The following PRSS23 variants were observed in gnomAD, a reference collection of about 807,000 sequenced individuals.
PRSS23 encodes the protein protease, serine 23.
PRSS23 carries 25 observed loss-of-function variants against 34.7 expected under a neutral mutation model. The observed-to-expected ratio is 0.72, with a 90% CI of 0.53 to 1.01. The LOEUF (loss-of-function observed/expected upper bound fraction) is 1.01, where lower values mean the gene tolerates loss of function less well. Ranked by LOEUF, PRSS23 falls within the 50% of genes least tolerant of loss-of-function variation. PRSS23 has a pLI of 0.00. For synonymous variants in PRSS23, 176 were observed against 186.6 expected (o/e 0.94, Z 0.46); for missense variants, 445 against 475.6 (o/e 0.94, Z 0.60).
At chr11:86,834,613 C>CTTTCCTTTCG (rs1948390308) in intron 2 of PRSS23, among the ~76,000 whole-genome samples, 1 of 115,004 alleles carries the variant, frequency 8.7e-6, no homozygotes, top group African/African-American at 3.5e-5. Context: ...CTTTCCTTTC[C>CTTTCCTTTCG]TATGACTCCG....
At position 86,807,884 on chromosome 11, in the gene PRSS23, G is replaced by A. The variant is rs149372443; in HGVS notation, c.241G>A (p.Ala81Thr). ...KGTPLPTYEE[A>T]KQYLSYETLY... Reference sequence around the variant, plus strand: ...AACTCCACTGCCCACTTACGAAGAGGCCAAGCAATATCTGTCTTATGAAAC... The same window carrying A: ...AACTCCACTGCCCACTTACGAAGAGACCAAGCAATATCTGTCTTATGAAAC... The change falls in exon 2 of 2, where the codon GCC becomes ACC. Residue 81 changes from alanine to threonine, a missense_variant. Transcript: ENST00000280258. The A allele has an allele frequency of 6.2e-7, 1 of 1,614,134 alleles. No homozygotes were observed. Among genetic ancestry groups the A allele is most frequent in the Non-Finnish European group, 8.5e-7 (1 of 1,180,034 alleles).
chr11:86,807,873 C>G lies in PRSS23; in HGVS notation c.230C>G (p.Thr77Ser). 3.1e-6 allele frequency: 5 copies of G among 1,614,174 alleles called. No individual in the cohort carries two copies. The highest frequency in any genetic ancestry group is 4.2e-6 in the Non-Finnish European group (5 of 1,180,044). Residue 77 changes from threonine (T) to serine (S), a missense_variant, in exon 2 of 2, where the codon ACT becomes AGT. Thr to Ser is a moderately conservative substitution (Grantham distance 58, BLOSUM62 1). Coordinates refer to ENST00000280258, the MANE Select transcript of PRSS23 (RefSeq NM_007173.6). ...PQCHKGTPLP[T>S]YEEAKQYLSY... ...TGTCATAAGGGAACTCCACTGCCCA[C>G]TTACGAAGAGGCCAAGCAATATCTG...
At chr11:86,952,379 C>G (rs1176108318) in exon 3 of PRSS23, 1 of 1,614,216 alleles carries the variant, frequency 6.2e-7, no homozygotes. Flanking sequence ...TTCACAGCGT[C>G]TCTTGACTGA....
chr11:86,870,888 A>C (rs920041404), intron 2 of PRSS23, among the ~76,000 whole-genome samples: 4 of 152,328 alleles, frequency 2.6e-5, no homozygotes, highest in African/African-American at 9.6e-5. Context: ...CCTAATCTGC[A>C]ATCATTCTGT....
intron 2 of PRSS23, among the ~76,000 whole-genome samples, chr11:86,885,310 ATAT>A (rs1948795661): frequency 6.6e-6 from 1 of 152,246 alleles, no homozygotes; most frequent in South Asian, 2.1e-4. Flanking sequence ...TGATGGAATA[ATAT>A]TATGCACACC....
chr11:86,912,567 C>A (rs1416076885), intron 2 of PRSS23, among the ~76,000 whole-genome samples: 1 of 152,170 alleles, frequency 6.6e-6, no homozygotes, highest in Non-Finnish European at 1.5e-5. Flanking sequence ...CTGTGAAGTT[C>A]AATCAGGGAA....
At chr11:86,792,012 GC>G (rs1327141252) in intron 1 of PRSS23, among the ~76,000 whole-genome samples, 2 of 152,136 alleles carry the variant, frequency 1.3e-5, no homozygotes, top group African/African-American at 4.8e-5. Flanking sequence ...TCTCCTTACA[GC>G]CCTGTGAGGA....
intron 2 of PRSS23, among the ~76,000 whole-genome samples, chr11:86,931,855 A>T (rs958303064): frequency 3.9e-5 from 6 of 152,004 alleles, no homozygotes; most frequent in Middle Eastern, 3.2e-3. Flanking sequence ...AAGAGTGGAC[A>T]TTGAGGAAGA....
At chr11:86,896,914 T>C (rs893715819) in intron 2 of PRSS23, among the ~76,000 whole-genome samples, 3 of 152,258 alleles carry the variant, frequency 2.0e-5, no homozygotes, top group South Asian at 2.1e-4. Context: ...CGCCATCCTA[T>C]ACATCTTATA....
chr11:86,891,801 C>G (rs1191440674), intron 2 of PRSS23, among the ~76,000 whole-genome samples: 2 of 152,056 alleles, frequency 1.3e-5, no homozygotes, highest in Non-Finnish European at 2.9e-5. Context: ...AGTGAGTTCT[C>G]ACGAGATCTG....
intron 2 of PRSS23, among the ~76,000 whole-genome samples, chr11:86,863,433 G>A (rs969805766): frequency 4.6e-5 from 7 of 152,126 alleles, no homozygotes; most frequent in Admixed American, 4.6e-4. Flanking sequence ...AATGCCCCAG[G>A]TGCTCATAAG....
intron 1 of PRSS23, among the ~76,000 whole-genome samples, chr11:86,821,964 A>G (rs1427174978): frequency 6.6e-6 from 1 of 152,234 alleles, no homozygotes; most frequent in Non-Finnish European, 1.5e-5. Context: ...TTACAGATGA[A>G]ATAAAGATGA....
In PRSS23 at chr11:86,811,143, C is replaced by G. The variant is rs562570857; in HGVS notation, c.*2348C>G. 1 of 167,182 alleles carries G rather than the reference C, an allele frequency of 6.0e-6. No homozygotes were observed. The highest frequency in any genetic ancestry group is 2.1e-4 in the South Asian group (1 of 4,824). The allele number at this position is 167,182 out of a possible 1,614,324, so 10.4% of individuals were successfully genotyped here. A position where few individuals can be genotyped will look rare whatever the true frequency, so the allele number is the denominator to read the frequency against. Reference sequence around the variant, plus strand: ...CTTTATCAGAGGTTCACATGCCTGTCTGCACATTAAAAGCTCTGGGAAGAC... The same window carrying G: ...CTTTATCAGAGGTTCACATGCCTGTGTGCACATTAAAAGCTCTGGGAAGAC... On this transcript the variant is annotated 3_prime_UTR_variant, in exon 2 of 2. Transcript: ENST00000280258.
At chr11:86,887,806 C>T (rs927755047) in intron 2 of PRSS23, among the ~76,000 whole-genome samples, 1 of 152,090 alleles carries the variant, frequency 6.6e-6, no homozygotes, top group African/African-American at 2.4e-5. Flanking sequence ...AAACCCAGCA[C>T]TTTGGGAGGC....
At chr11:86,889,621 A>G (rs998653058) in intron 2 of PRSS23, among the ~76,000 whole-genome samples, 28 of 152,220 alleles carry the variant, frequency 1.8e-4, no homozygotes, top group Admixed American at 2.6e-4. Flanking sequence ...ATCAGCTCCT[A>G]AAGGCCACAC....
chr11:86,853,881 A>G (rs1292843625), intron 2 of PRSS23, among the ~76,000 whole-genome samples: 2 of 152,036 alleles, frequency 1.3e-5, no homozygotes, highest in Non-Finnish European at 2.9e-5. Flanking sequence ...CTCTAGTTTC[A>G]CCATTGCTTG....
At chr11:86,884,062 A>G (rs952372812) in intron 2 of PRSS23, among the ~76,000 whole-genome samples, 3 of 152,082 alleles carry the variant, frequency 2.0e-5, no homozygotes, top group Admixed American at 2.0e-4. Context: ...ATTAATATTT[A>G]ATTCTCTCTT....
chr11:86,828,486 C>A (rs913874570), intron 2 of PRSS23, among the ~76,000 whole-genome samples: 1 of 152,072 alleles, frequency 6.6e-6, no homozygotes, highest in Admixed American at 6.5e-5. Flanking sequence ...AGCATTTAGT[C>A]CATTTACATT....
chr11:86,827,604 C>A (rs969938187), intron 2 of PRSS23, among the ~76,000 whole-genome samples: 9 of 152,076 alleles, frequency 5.9e-5, no homozygotes, highest in Non-Finnish European at 1.2e-4. Flanking sequence ...AATTTTGGAT[C>A]TTTCCTGCTT....
Sources: allele counts gnomAD v4.1 joint callset (sites outside exome capture counted in the v4.1 genomes callset), GRCh38; gene constraint gnomAD v4.1.1; transcripts MANE v1.5; gene names NCBI Gene and HGNC (gene_info 2026-07-23, HGNC 2026-07-21).